ATE1: variants seen among roughly 807,000 people sequenced by gnomAD.
The protein encoded by ATE1 is arginyl-tRNA--protein transferase 1.
A neutral mutation model predicts 70.5 loss-of-function variants in ATE1; 36 were observed. That is an observed-to-expected ratio of 0.51 (90% CI 0.39 to 0.67). ATE1 has a LOEUF of 0.67. Ranked by LOEUF, ATE1 falls within the 30% of genes least tolerant of loss-of-function variation. The pLI, the probability that ATE1 is intolerant of heterozygous loss-of-function variation, is 0.00. For synonymous variants in ATE1, 232 were observed against 219.3 expected (o/e 1.06, Z -0.51); for missense variants, 593 against 629.5 (o/e 0.94, Z 0.62).
At chr10:121,919,883 G>A (rs1045984434) in intron 3 of ATE1, among the ~76,000 whole-genome samples, 1 of 151,974 alleles carries the variant, frequency 6.6e-6, no homozygotes, top group Non-Finnish European at 1.5e-5. Context: ...GGGTGACACA[G>A]CAAGACTCAG....
intron 11 of ATE1, among the ~76,000 whole-genome samples, chr10:121,757,314 G>C (rs1382559643): frequency 6.6e-6 from 1 of 152,134 alleles, no homozygotes; most frequent in East Asian, 1.9e-4. Context: ...CAAATCTCTA[G>C]GAAGTTCCAA....
intron 11 of ATE1, among the ~76,000 whole-genome samples, chr10:121,762,072 T>C (rs1294380588): frequency 1.3e-5 from 2 of 152,224 alleles, no homozygotes; most frequent in African/African-American, 2.4e-5. Flanking sequence ...GTTGTCCCCT[T>C]GTTCTCAAAT....
Position 121,742,338 on chromosome 10 carries a change from G to C in ATE1, c.*1342C>G, listed in dbSNP as rs778655694. 6.6e-6 allele frequency: 1 copy of C among 152,104 alleles called. No homozygotes were observed. The highest frequency in any genetic ancestry group is 1.5e-5 in the Non-Finnish European group (1 of 68,016). 9.4% of individuals were successfully genotyped at this position (152,104 alleles called of 1,614,324 possible). On this transcript the variant is annotated 3_prime_UTR_variant, in exon 12 of 12. Coordinates refer to ENST00000224652, the MANE Select transcript of ATE1 (RefSeq NM_001001976.3). ...GAGGAAAGTTTAAAATTAGCAACAGGATTCAAACTACCATGTTTTATAACA... is the reference window on the plus strand; with the variant it reads ...GAGGAAAGTTTAAAATTAGCAACAGCATTCAAACTACCATGTTTTATAACA...
At chr10:121,767,928 G>C (rs772442803) in intron 11 of ATE1, among the ~76,000 whole-genome samples, 4 of 152,156 alleles carry the variant, frequency 2.6e-5, no homozygotes, top group Non-Finnish European at 5.9e-5. Flanking sequence ...TACACCCATG[G>C]TCATAGCAGC....
At chr10:121,874,529 GAGA>G (rs1949966824) in intron 7 of ATE1, among the ~76,000 whole-genome samples, 1 of 152,020 alleles carries the variant, frequency 6.6e-6, no homozygotes, top group East Asian at 1.9e-4. Flanking sequence ...GCTAAGGTTT[GAGA>G]AGATCTTATT....
intron 5 of ATE1, among the ~76,000 whole-genome samples, chr10:121,905,904 C>G (rs1406527486): frequency 6.6e-6 from 1 of 151,944 alleles, no homozygotes; most frequent in African/African-American, 2.4e-5. Flanking sequence ...TCTCCCAGGT[C>G]AATAAATTGC....
intron 7 of ATE1, among the ~76,000 whole-genome samples, chr10:121,894,889 A>T (rs1442448422): frequency 1.3e-5 from 2 of 152,042 alleles, no homozygotes; most frequent in Non-Finnish European, 2.9e-5. Flanking sequence ...CGACAGAGTG[A>T]GACTCTGTCT....
chr10:121,750,606 G>A (rs1407484184), intron 11 of ATE1, among the ~76,000 whole-genome samples: 1 of 143,460 alleles, frequency 7.0e-6, no homozygotes, highest in Non-Finnish European at 1.6e-5. Flanking sequence ...CAAGAATCTA[G>A]AGATCAAAGC....
At chr10:121,853,609 C>A (rs1949138497) in intron 8 of ATE1, among the ~76,000 whole-genome samples, 2 of 151,944 alleles carry the variant, frequency 1.3e-5, no homozygotes, top group African/African-American at 4.8e-5. Flanking sequence ...TCAGATATGG[C>A]ATACTTAATG....
chr10:121,885,625 G>A (rs894141615), intron 7 of ATE1, among the ~76,000 whole-genome samples: 2 of 151,838 alleles, frequency 1.3e-5, no homozygotes, highest in African/African-American at 2.4e-5. Context: ...GGGTGCAGGG[G>A]CTCACACCTG....
At chr10:121,782,202 T>C (rs1399800493) in intron 11 of ATE1, among the ~76,000 whole-genome samples, 2 of 152,236 alleles carry the variant, frequency 1.3e-5, no homozygotes, top group African/African-American at 2.4e-5. Flanking sequence ...AGACATTGTA[T>C]TGAATATCAA....
intron 10 of ATE1, among the ~76,000 whole-genome samples, chr10:121,797,750 G>A (rs1946717292): frequency 6.6e-6 from 1 of 152,104 alleles, no homozygotes. Context: ...TGCTAGGCCT[G>A]CTCCCACCTC....
chr10:121,834,397 G>A (rs1948358331), intron 10 of ATE1, among the ~76,000 whole-genome samples: 1 of 152,094 alleles, frequency 6.6e-6, no homozygotes, highest in South Asian at 2.1e-4. Flanking sequence ...TAAACCAGAA[G>A]GCAAGCAGGC....
At chr10:121,917,755 GA>G (rs1220014304) in intron 3 of ATE1, among the ~76,000 whole-genome samples, 5 of 152,166 alleles carry the variant, frequency 3.3e-5, no homozygotes, top group Non-Finnish European at 5.9e-5. Context: ...AGGGGAACAG[GA>G]AATGGGACAG....
chr10:121,828,442 A>G (rs961087714), intron 10 of ATE1, among the ~76,000 whole-genome samples: 5 of 152,204 alleles, frequency 3.3e-5, no homozygotes, highest in Admixed American at 2.6e-4. Context: ...ACGCAGGTGC[A>G]TTCAGCTTGA....
At chr10:121,836,963 A>G in intron 9 of ATE1, 146 bp from the exon 10 acceptor site, 1 of 606,612 alleles carries the variant, frequency 1.6e-6, no homozygotes, top group Non-Finnish European at 2.9e-6. Flanking sequence ...ACTACTTTTA[A>G]AACACTATAC....
intron 3 of ATE1, among the ~76,000 whole-genome samples, chr10:121,918,148 T>A (rs959235465): frequency 6.6e-6 from 1 of 151,878 alleles, no homozygotes; most frequent in Non-Finnish European, 1.5e-5. Context: ...ACCTGGCCAA[T>A]ATGGTGAAAC....
In ATE1 at chr10:121,742,639, G is replaced by A. The variant is rs978039468; in HGVS notation, c.*1041C>T. On this transcript the variant is annotated 3_prime_UTR_variant, in exon 12 of 12. Transcript: ENST00000224652. ...AGAAAGTGAGGGAAGGAGGGGGCTG[G>A]CCTCTGCTCTGAGTTACTAAGGGTG... The A allele has an allele frequency of 3.3e-5, 5 of 152,450 alleles. No individual in the cohort carries two copies. Among genetic ancestry groups the A allele is most frequent in the Middle Eastern group, 3.4e-3 (1 of 296 alleles). 9.4% of individuals were successfully genotyped at this position (152,450 alleles called of 1,614,324 possible). A position where few individuals can be genotyped will look rare whatever the true frequency, so the allele number is the denominator to read the frequency against.
chr10:121,902,139 CA>C (rs1951004776), intron 6 of ATE1, among the ~76,000 whole-genome samples: 2 of 152,070 alleles, frequency 1.3e-5, no homozygotes, highest in African/African-American at 4.8e-5. Context: ...CTAAAATTGA[CA>C]CTGTTTTCAC....
Sources: allele counts gnomAD v4.1 joint callset (sites outside exome capture counted in the v4.1 genomes callset), GRCh38; gene constraint gnomAD v4.1.1; transcripts MANE v1.5; gene names NCBI Gene and HGNC (gene_info 2026-07-23, HGNC 2026-07-21).